Variants in CCDC171 observed in about 807,000 individuals in gnomAD.
CCDC171 encodes the protein coiled-coil domain-containing protein 171.
In CCDC171, 177 loss-of-function variants were observed where a neutral mutation model predicts 168.2. The observed-to-expected ratio is 1.05, with a 90% confidence interval of 0.93 to 1.19. The LOEUF (loss-of-function observed/expected upper bound fraction) is 1.19, where lower values mean the gene tolerates loss of function less well. Ranked by LOEUF, CCDC171 falls within the 50% of genes most tolerant of loss-of-function variation. CCDC171 has a pLI of 0.00. For missense variants in CCDC171, 1,991 were observed against 1,539.0 expected (o/e 1.29, Z -4.91); for synonymous variants, 687 against 540.8 (o/e 1.27, Z -3.75).
chr9:15,613,508 ATTTTTCTT>A (rs559223887), intron 6 of CCDC171, among the ~76,000 whole-genome samples: 224 of 150,312 alleles, frequency 1.5e-3, no homozygotes, highest in Non-Finnish European at 2.4e-3. Flanking sequence ...TTTGATTTGC[ATTTTTCTT>A]TTTTTCTTTT....
chr9:15,831,915 A>G (rs1170603627), intron 21 of CCDC171, among the ~76,000 whole-genome samples: 1 of 152,062 alleles, frequency 6.6e-6, no homozygotes, highest in Admixed American at 6.5e-5. Context: ...TTTTGTTGCA[A>G]TATTAAAGTC....
intron 3 of CCDC171, among the ~76,000 whole-genome samples, chr9:16,003,170 C>T (rs773242135): frequency 4.6e-5 from 7 of 152,150 alleles, no homozygotes; most frequent in Non-Finnish European, 1.0e-4. Context: ...TTCCCACATC[C>T]AGAGTTCTAG....
At chr9:15,886,244 G>A (rs1819376148) in intron 24 of CCDC171, 2 of 152,136 alleles carry the variant, frequency 1.3e-5, no homozygotes, top group African/African-American at 4.8e-5. Context: ...CCAGTAAGGA[G>A]TTTAATATCC....
chr9:15,992,425 G>T (rs934008929), intron 3 of CCDC171, among the ~76,000 whole-genome samples: 2 of 152,128 alleles, frequency 1.3e-5, no homozygotes, highest in African/African-American at 2.4e-5. Flanking sequence ...AATAAATTAG[G>T]TATTGATGGG....
intron 21 of CCDC171, among the ~76,000 whole-genome samples, chr9:15,786,215 A>C (rs2057945539): frequency 6.6e-6 from 1 of 152,140 alleles, no homozygotes; most frequent in Non-Finnish European, 1.5e-5. Context: ...TTCTTACATA[A>C]ATGAGAATGT....
At chr9:15,992,504 A>G (rs1589304704) in intron 3 of CCDC171, among the ~76,000 whole-genome samples, 1 of 152,152 alleles carries the variant, frequency 6.6e-6, no homozygotes, top group East Asian at 1.9e-4. Context: ...ATGGGCAAAA[A>G]CTGGAAGCAT....
At chr9:15,939,776 C>T (rs1015771869) in intron 25 of CCDC171, among the ~76,000 whole-genome samples, 1 of 151,722 alleles carries the variant, frequency 6.6e-6, no homozygotes, top group Non-Finnish European at 1.5e-5. Flanking sequence ...AATTTGGAAG[C>T]GGTAGTCCAC....
At chr9:16,059,803 C>A (rs1381988887) in intron 1 of CCDC171, among the ~76,000 whole-genome samples, 6 of 151,320 alleles carry the variant, frequency 4.0e-5, no homozygotes, top group Non-Finnish European at 5.9e-5. Flanking sequence ...CGTGAGCCAC[C>A]GCGCCTGGCC....
chr9:15,738,141 G>A (rs530091506), intron 16 of CCDC171, among the ~76,000 whole-genome samples: 12 of 152,264 alleles, frequency 7.9e-5, no homozygotes, highest in African/African-American at 2.9e-4. Flanking sequence ...AACATAAAGA[G>A]CAAGAACTCA....
intron 16 of CCDC171, among the ~76,000 whole-genome samples, chr9:15,736,498 C>T (rs769160857): frequency 1.3e-5 from 2 of 151,790 alleles, no homozygotes; most frequent in Non-Finnish European, 2.9e-5. Context: ...CTACAGGGCA[C>T]GCCACCATGC....
At chr9:15,596,284 C>A (rs2131554492) in intron 6 of CCDC171, among the ~76,000 whole-genome samples, 1 of 152,158 alleles carries the variant, frequency 6.6e-6, no homozygotes, top group African/African-American at 2.4e-5. Flanking sequence ...TCAGGTCTAA[C>A]ATTTAAGTCT....
intron 24 of CCDC171, among the ~76,000 whole-genome samples, chr9:15,893,284 C>G (rs149522460): frequency 1.2e-4 from 18 of 152,172 alleles, no homozygotes; most frequent in African/African-American, 3.9e-4. Context: ...AAAATTAACT[C>G]AAGATGGATT....
At chr9:15,657,290 T>C (rs2048012121) in intron 8 of CCDC171, 71 bp downstream of exon 8, 2 of 872,228 alleles carry the variant, frequency 2.3e-6, no homozygotes, top group East Asian at 5.2e-5. Context: ...AAAACAGCAC[T>C]GTGTTCAGAG....
chr9:16,058,750 C>T (rs1833883020), intron 1 of CCDC171, among the ~76,000 whole-genome samples: 1 of 152,178 alleles, frequency 6.6e-6, no homozygotes, highest in African/African-American at 2.4e-5. Context: ...GTTGTTTTGC[C>T]TCCAGAATAG....
chr9:15,594,195 C>T, intron 6 of CCDC171, 23 bp downstream of exon 6: 1 of 1,187,402 alleles, frequency 8.4e-7, no homozygotes, highest in South Asian at 1.4e-5. Context: ...TAATCAGTTC[C>T]TTAAATATAT....
intron 7 of CCDC171, among the ~76,000 whole-genome samples, chr9:15,636,566 T>C (rs2046214901): frequency 6.6e-6 from 1 of 151,602 alleles, no homozygotes; most frequent in Non-Finnish European, 1.5e-5. Flanking sequence ...CTTGGCAACA[T>C]GGTGAAATAT....
At chr9:15,592,188 G>C (rs565372070) in intron 5 of CCDC171, among the ~76,000 whole-genome samples, 2 of 151,884 alleles carry the variant, frequency 1.3e-5, no homozygotes, top group East Asian at 3.9e-4. Context: ...ACAAAGCCAG[G>C]TATGGTGGTG....
intron 22 of CCDC171, among the ~76,000 whole-genome samples, chr9:15,847,593 A>G (rs2130762003): frequency 6.6e-6 from 1 of 152,188 alleles, no homozygotes; most frequent in African/African-American, 2.4e-5. Context: ...AAGAAAATCT[A>G]TTTTCAAGGA....
intron 21 of CCDC171, among the ~76,000 whole-genome samples, chr9:15,820,073 C>T (rs1372910150): frequency 8.5e-6 from 1 of 117,462 alleles, no homozygotes; most frequent in Non-Finnish European, 1.9e-5. Context: ...AACTGAACAG[C>T]CTGCTCCTGA....
Sources: gnomAD v4.1 joint callset for allele counts (sites outside exome capture counted in the v4.1 genomes callset) on GRCh38, gnomAD v4.1.1 for gene constraint, MANE v1.5 for transcripts, NCBI Gene and HGNC (gene_info 2026-07-23, HGNC 2026-07-21) for gene names.